SNX32: variants seen among roughly 807,000 people sequenced by gnomAD.
SNX32 encodes sorting nexin 32, also known as sorting nexin-32.
SNX32 carries 58 observed loss-of-function variants against 57.0 expected under a neutral mutation model. The observed-to-expected ratio is 1.02, with a 90% CI of 0.82 to 1.27. SNX32 has a LOEUF of 1.27. Ranked by LOEUF, SNX32 falls within the 50% of genes most tolerant of loss-of-function variation. The pLI is 0.00. For synonymous variants in SNX32, 262 were observed against 220.4 expected (o/e 1.19, Z -1.67); for missense variants, 589 against 541.2 (o/e 1.09, Z -0.88).
At chr11:65,851,223 G>A in intron 7 of SNX32, 63 bp downstream of exon 7, 1 of 1,600,210 alleles carries the variant, frequency 6.2e-7, no homozygotes. Context: ...CAACTCCTTG[G>A]GGGAGAGAAG....
intron 1 of SNX32, among the ~76,000 whole-genome samples, chr11:65,843,339 A>T (rs1209882934): frequency 2.0e-5 from 3 of 151,898 alleles, no homozygotes; most frequent in Non-Finnish European, 4.4e-5. Context: ...GAGGCCAAGG[A>T]GGGTAGATCA....
intron 1 of SNX32, among the ~76,000 whole-genome samples, chr11:65,834,775 G>A (rs559469710): frequency 6.7e-6 from 1 of 148,752 alleles, no homozygotes; most frequent in African/African-American, 2.5e-5. Flanking sequence ...GCATCTTTAT[G>A]TCTGTGTGTG....
intron 1 of SNX32, among the ~76,000 whole-genome samples, chr11:65,834,975 GTA>G (rs1333716974): frequency 1.3e-5 from 2 of 150,308 alleles, no homozygotes; most frequent in Admixed American, 1.3e-4. Context: ...TATGATCTGT[GTA>G]TGTCGTTGTG....
At chr11:65,852,379 C>A in intron 9 of SNX32, 86 bp from the exon 10 acceptor site, 1 of 1,205,902 alleles carries the variant, frequency 8.3e-7, no homozygotes, top group Non-Finnish European at 1.2e-6. Flanking sequence ...GGCTTCTTTG[C>A]TGGATATTTA....
At chr11:65,844,451 TAATA>T (rs1236164355) in intron 1 of SNX32, among the ~76,000 whole-genome samples, 16 of 143,666 alleles carry the variant, frequency 1.1e-4, no homozygotes, top group Admixed American at 3.5e-4. Flanking sequence ...AAAAAAAAAA[TAATA>T]AATAGAGAGA....
intron 1 of SNX32, among the ~76,000 whole-genome samples, chr11:65,840,846 A>C (rs1858820353): frequency 6.6e-6 from 1 of 151,828 alleles, no homozygotes; most frequent in South Asian, 2.1e-4. Context: ...TTAATAAGTG[A>C]GTTCAGCAAG....
rs969971026 is a variant in SNX32, at chr11:65,838,581, T to G, written c.36+4480T>G. Among the ~76,000 whole-genome samples, 9 of 152,186 alleles carry G rather than the reference T, an allele frequency of 5.9e-5. No homozygotes were observed. In the South Asian group the frequency reaches 1.9e-3, roughly 32 times the overall value. On this transcript the variant is annotated intron_variant, in intron 1 of 12. Transcript: ENST00000308342. ...CTGTTAGAACAAGCAGACAAAAAAATTAGTAAGGATTTAGAAGATTTAAAT... is the reference window on the plus strand; with the variant it reads ...CTGTTAGAACAAGCAGACAAAAAAAGTAGTAAGGATTTAGAAGATTTAAAT...
In SNX32 at chr11:65,839,215, A is replaced by ATTTTTTTTTTTTTTTTTTTTTTT. The variant is rs1555032605; in HGVS notation, c.36+5121_36+5122insTTTTTTTTTTTTTTTTTTTTTTT. ...AGCTGTGCCCCACCACGCCCAGCTA[A>ATTTTTTTTTTTTTTTTTTTTTTT]TTTTTTTGTATTTTTTTTTTTTTTT... On this transcript the variant is annotated intron_variant, in intron 1 of 12. Coordinates refer to ENST00000308342, the MANE Select transcript of SNX32 (RefSeq NM_152760.3). Among the ~76,000 whole-genome samples the ATTTTTTTTTTTTTTTTTTTTTTT allele has an allele frequency of 3.6e-4, 7 of 19,532 alleles. 1 individual carries two copies. The highest frequency in any genetic ancestry group is 2.4e-4 in the Non-Finnish European group (2 of 8,378). 12.8% of individuals were successfully genotyped at this position (19,532 alleles called of 152,430 possible).
Position 65,852,829 on chromosome 11 carries a change from C to T in SNX32, c.1072+40C>T, listed in dbSNP as rs200713547. 7.8e-5 allele frequency: 126 copies of T among 1,613,338 alleles called. No homozygotes were observed. In the African/African-American group the frequency reaches 1.6e-3, roughly 20 times the overall value. ...CCCAGCCCCAGCCTGGGGCCACATG[C>T]CCTGCCCTGCCCGGATCCCCATGCC... On this transcript the variant is annotated intron_variant, in intron 11 of 12. Transcript: ENST00000308342.
Position 65,850,022 on chromosome 11 carries a change from G to A in SNX32, c.244G>A (p.Gly82Ser), listed in dbSNP as rs370719299. 1.4e-5 allele frequency: 22 copies of A among 1,614,006 alleles called. No individual in the cohort carries two copies. The highest frequency in any genetic ancestry group is 2.2e-5 in the South Asian group (2 of 91,086). Reference protein sequence around the residue: ...DAYVENEEYAGLIIPPAPPRP... With the variant: ...DAYVENEEYASLIIPPAPPRP... ...CTACGTGGAGAATGAGGAGTACGCC[G>A]GCCTCATCGTGAGGAGGGGCTGGGC... The change falls in exon 3 of 13, where the codon GGC becomes AGC. Residue 82 changes from glycine to serine, a missense_variant. Transcript: ENST00000308342.
At chr11:65,852,182 C>T (rs1859220002) in intron 9 of SNX32, among the ~76,000 whole-genome samples, 1 of 152,162 alleles carries the variant, frequency 6.6e-6, no homozygotes, top group African/African-American at 2.4e-5. Context: ...CTGCTTTGCC[C>T]AAGTGCCCTC....
At chr11:65,838,953 A>G (rs1484512097) in intron 1 of SNX32, among the ~76,000 whole-genome samples, 8 of 152,014 alleles carry the variant, frequency 5.3e-5, no homozygotes, top group Non-Finnish European at 1.0e-4. Flanking sequence ...CTCATAAGAT[A>G]CACAGTTTCC....
chr11:65,834,726 G>C (rs1858612395), intron 1 of SNX32, among the ~76,000 whole-genome samples: 1 of 149,804 alleles, frequency 6.7e-6, no homozygotes, highest in Non-Finnish European at 1.5e-5. Flanking sequence ...CTTTGTGTCT[G>C]AGTGTGTGTC....
Position 65,851,827 on chromosome 11 carries a change from T to C in SNX32, c.825+148T>C, listed in dbSNP as rs1225962128. The C allele has an allele frequency of 5.9e-6, 5 of 845,532 alleles. No homozygotes were observed. The Admixed American group carries it at 1.0e-4, about 18-fold the overall frequency. 52.4% of individuals were successfully genotyped at this position (845,532 alleles called of 1,614,324 possible). On this transcript the variant is annotated intron_variant, in intron 9 of 12. Transcript: ENST00000308342. ...GTTGGGCTTACACTCCAGACTAGTT[T>C]AACAAAAGGTGGGGTGAAGACAAGG...
At chr11:65,850,383 GGAT>G in intron 4 of SNX32, 45 bp from the exon 5 acceptor site, 5 of 1,612,752 alleles carry the variant, frequency 3.1e-6, no homozygotes, top group Non-Finnish European at 4.2e-6. Flanking sequence ...GGGGCAGGCA[GGAT>G]GATGGGGGCT....
At position 65,853,029 on chromosome 11, in the gene SNX32, C is replaced by CAGGGTGTGCGTGCATGTG. The variant is rs1859268457; in HGVS notation, c.1158+81_1158+98dup. 15 of 1,532,112 alleles carry CAGGGTGTGCGTGCATGTG rather than the reference C, an allele frequency of 9.8e-6. No homozygotes were observed. The Admixed American group carries it at 1.3e-4, about 14-fold the overall frequency. The allele number at this position is 1,532,112 out of a possible 1,614,324, so 94.9% of individuals were successfully genotyped here. ...CCACCTCCCTCCCTCCCCCAGGCAC[C>CAGGGTGTGCGTGCATGTG]AGGGTGTGCGTGCATGTGAGGGTGT... On this transcript the variant is annotated intron_variant, in intron 12 of 12. Coordinates refer to ENST00000308342, the MANE Select transcript of SNX32 (RefSeq NM_152760.3).
chr11:65,850,166 C>T lies in SNX32; in HGVS notation c.269C>T (p.Pro90Leu), dbSNP rs757020917. Reference protein sequence around the residue: ...YAGLIIPPAPPRPDFEASREK... With the variant: ...YAGLIIPPAPLRPDFEASREK... Reference sequence around the variant, plus strand: ...TTTGAGCAGATCCCCCCAGCCCCTCCGAGGCCAGACTTTGAGGCTTCGAGG... The same window carrying T: ...TTTGAGCAGATCCCCCCAGCCCCTCTGAGGCCAGACTTTGAGGCTTCGAGG... Residue 90 changes from proline (P) to leucine (L), a missense_variant, in exon 4 of 13, where the codon CCG becomes CTG. Transcript: ENST00000308342. The T allele has an allele frequency of 5.6e-6, 9 of 1,614,124 alleles. No individual in the cohort carries two copies. Among genetic ancestry groups the T allele is most frequent in the Middle Eastern group, 1.6e-4 (1 of 6,084 alleles).
chr11:65,851,534 T>A, intron 8 of SNX32, 106 bp from the exon 9 acceptor site: 2 of 1,531,164 alleles, frequency 1.3e-6, no homozygotes, highest in Non-Finnish European at 1.8e-6. Context: ...GGGGATGGTG[T>A]TGGGAAGGAA....
At chr11:65,851,276 C>T (rs1859183316) in intron 7 of SNX32, 52 bp from the exon 8 acceptor site, 2 of 1,608,718 alleles carry the variant, frequency 1.2e-6, no homozygotes, top group Non-Finnish European at 1.7e-6. Context: ...CCACAAGCAC[C>T]AAGGCTTGAC....
Sources: gnomAD v4.1 joint callset for allele counts (sites outside exome capture counted in the v4.1 genomes callset) on GRCh38, gnomAD v4.1.1 for gene constraint, MANE v1.5 for transcripts, NCBI Gene and HGNC (gene_info 2026-07-23, HGNC 2026-07-21) for gene names.